MAGI3: variants seen among roughly 807,000 people sequenced by gnomAD.
MAGI3 encodes the protein membrane-associated guanylate kinase, WW and PDZ domain-containing protein 3.
MAGI3 carries 43 observed loss-of-function variants against 121.8 expected under a neutral mutation model. The observed-to-expected ratio is 0.35, with a 90% CI of 0.28 to 0.46. The LOEUF (loss-of-function observed/expected upper bound fraction) is 0.46, where lower values mean the gene tolerates loss of function less well. Ranked by LOEUF, MAGI3 falls within the 20% of genes least tolerant of loss-of-function variation. MAGI3 has a pLI of 1.00. For missense variants in MAGI3, 1,547 were observed against 1,797.3 expected (o/e 0.86, Z 2.52); for synonymous variants, 553 against 639.3 (o/e 0.86, Z 2.04).
At chr1:113,574,513 G>C (rs770849279) in intron 2 of MAGI3, among the ~76,000 whole-genome samples, 7 of 152,048 alleles carry the variant, frequency 4.6e-5, no homozygotes, top group Non-Finnish European at 7.4e-5. Flanking sequence ...TTGAATATTG[G>C]TCGCCTACTC....
intron 9 of MAGI3, among the ~76,000 whole-genome samples, chr1:113,637,445 C>T (rs561799129): frequency 2.4e-4 from 37 of 152,276 alleles, no homozygotes; most frequent in African/African-American, 8.7e-4. Flanking sequence ...AATCTCTCAG[C>T]ATTTGCTTGT....
chr1:113,529,249 C>T (rs896662434), intron 1 of MAGI3, among the ~76,000 whole-genome samples: 3 of 152,118 alleles, frequency 2.0e-5, no homozygotes, highest in Non-Finnish European at 4.4e-5. Flanking sequence ...TGTTAATTAG[C>T]GTTGCTATAA....
At chr1:113,639,896 G>A (rs1330727503) in intron 9 of MAGI3, among the ~76,000 whole-genome samples, 1 of 152,080 alleles carries the variant, frequency 6.6e-6, no homozygotes, top group Non-Finnish European at 1.5e-5. Flanking sequence ...GTAGAGATGG[G>A]GTTTCGCCAT....
In MAGI3 at chr1:113,450,278, G is replaced by C. The variant is rs372493685; in HGVS notation, c.316+58929G>C. ...CAGTCTGCTGGATCACAGAGAGGTC[G>C]TGGAGGTGGATCTGGCAATTTTATG... On this transcript the variant is annotated intron_variant, in intron 1 of 20. Transcript: ENST00000307546. The C allele has an allele frequency of 4.4e-6, 7 of 1,594,552 alleles. No homozygotes were observed. In the African/African-American group the frequency reaches 5.4e-5, roughly 12 times the overall value.
intron 16 of MAGI3, among the ~76,000 whole-genome samples, chr1:113,660,841 C>T (rs1471928095): frequency 1.4e-5 from 2 of 145,990 alleles, no homozygotes; most frequent in African/African-American, 5.2e-5. Context: ...TGGGCTCAAG[C>T]GATCTTCCTG....
At chr1:113,590,237 C>A (rs1463930555) in intron 4 of MAGI3, among the ~76,000 whole-genome samples, 1 of 152,058 alleles carries the variant, frequency 6.6e-6, no homozygotes, top group Non-Finnish European at 1.5e-5. Context: ...TGAATTAATT[C>A]TATTGTTGTT....
chr1:113,442,760 T>TA (rs1447237278), intron 1 of MAGI3, among the ~76,000 whole-genome samples: 1 of 152,120 alleles, frequency 6.6e-6, no homozygotes, highest in Non-Finnish European at 1.5e-5. Context: ...CAAGCTACTG[T>TA]AACTGGCTCC....
intron 1 of MAGI3, among the ~76,000 whole-genome samples, chr1:113,396,180 T>A (rs528309174): frequency 1.2e-4 from 19 of 152,188 alleles, no homozygotes; most frequent in Non-Finnish European, 2.2e-4. Flanking sequence ...AAGTGCTTTG[T>A]AATTTTTGGG....
At chr1:113,580,760 A>C (rs1237997496) in intron 3 of MAGI3, 99 bp downstream of exon 3, 2 of 1,217,870 alleles carry the variant, frequency 1.6e-6, no homozygotes, top group East Asian at 2.8e-5. Context: ...CTTTTTGAAA[A>C]ACTTTTTTTC....
intron 19 of MAGI3, among the ~76,000 whole-genome samples, chr1:113,675,912 T>C (rs879613516): frequency 3.7e-4 from 56 of 152,346 alleles, no homozygotes; most frequent in Admixed American, 3.7e-3. Context: ...ATATGTAATA[T>C]ACATGGTCCA....
intron 6 of MAGI3, among the ~76,000 whole-genome samples, chr1:113,606,334 T>C (rs904689662): frequency 6.6e-6 from 1 of 152,164 alleles, no homozygotes; most frequent in Non-Finnish European, 1.5e-5. Flanking sequence ...GTAAGTTCCT[T>C]CTTATGGTGA....
At chr1:113,437,913 TCTCCTTCTC>T (rs1190232896) in intron 1 of MAGI3, among the ~76,000 whole-genome samples, 4,159 of 13,046 alleles carry the variant, frequency 0.32, 1,223 homozygotes, top group African/African-American at 0.51. Flanking sequence ...TCCTTCTCCT[TCTCCTTCTC>T]CTCCTTCTCC....
At chr1:113,513,397 C>A (rs1175770257) in intron 1 of MAGI3, among the ~76,000 whole-genome samples, 3 of 152,088 alleles carry the variant, frequency 2.0e-5, no homozygotes, top group Non-Finnish European at 4.4e-5. Context: ...CTACAGTGAC[C>A]AAAACAGCAT....
chr1:113,648,211 A>G (rs1203779463), intron 12 of MAGI3, among the ~76,000 whole-genome samples: 1 of 152,144 alleles, frequency 6.6e-6, no homozygotes, highest in Admixed American at 6.6e-5. Context: ...CTAAAGTTCT[A>G]CAATTTTAAT....
At chr1:113,545,466 G>T (rs1659494428) in intron 1 of MAGI3, among the ~76,000 whole-genome samples, 1 of 152,208 alleles carries the variant, frequency 6.6e-6, no homozygotes, top group Non-Finnish European at 1.5e-5. Flanking sequence ...AAATTAGATT[G>T]TAATTAGATT....
chr1:113,494,724 C>G (rs981840027), intron 1 of MAGI3, among the ~76,000 whole-genome samples: 9 of 152,128 alleles, frequency 5.9e-5, no homozygotes, highest in Non-Finnish European at 1.0e-4. Context: ...ATCAATGTGT[C>G]TGTAAACAAC....
chr1:113,602,141 G>C (rs890264337), intron 6 of MAGI3, among the ~76,000 whole-genome samples: 3 of 152,020 alleles, frequency 2.0e-5, no homozygotes, highest in African/African-American at 7.3e-5. Flanking sequence ...GTTAATGGGT[G>C]CAGCACACCA....
intron 2 of MAGI3, among the ~76,000 whole-genome samples, chr1:113,560,182 A>T (rs1660165092): frequency 6.6e-6 from 1 of 152,198 alleles, no homozygotes; most frequent in African/African-American, 2.4e-5. Context: ...CTCTCAGACC[A>T]CAGTGCAATC....
chr1:113,561,783 G>C (rs1038260208), intron 2 of MAGI3, among the ~76,000 whole-genome samples: 1 of 152,068 alleles, frequency 6.6e-6, no homozygotes, highest in East Asian at 1.9e-4. Context: ...GAAAAAGAAA[G>C]AAAGAAAGCA....
Sources: allele counts gnomAD v4.1 joint callset (sites outside exome capture counted in the v4.1 genomes callset), GRCh38; gene constraint gnomAD v4.1.1; transcripts MANE v1.5; gene names NCBI Gene and HGNC (gene_info 2026-07-23, HGNC 2026-07-21).